SNX29: variants seen among roughly 807,000 people sequenced by gnomAD.
SNX29 encodes the protein sorting nexin-29.
In SNX29, 78 loss-of-function variants were observed where a neutral mutation model predicts 102.1. That is an observed-to-expected ratio of 0.76 (90% CI 0.64 to 0.92). The LOEUF is 0.92. Ranked by LOEUF, SNX29 falls within the 40% of genes least tolerant of loss-of-function variation. SNX29 has a pLI of 0.00. For missense variants in SNX29, 1,280 were observed against 1,061.7 expected, an observed-to-expected ratio of 1.21 and a Z score of -2.86; for synonymous variants, 580 against 414.5, an observed-to-expected ratio of 1.40 and a Z score of -4.85.
chr16:12,537,945 A>G (rs1018276004), intron 20 of SNX29, among the ~76,000 whole-genome samples: 4 of 150,074 alleles, frequency 2.7e-5, no homozygotes, highest in South Asian at 4.2e-4. Context: ...AGATCGTGCC[A>G]CTGCACTCCA....
In SNX29 at chr16:12,249,054, C is replaced by T. The variant is rs142408284; in HGVS notation, c.1679-28879C>T. 3.6e-3 allele frequency among the ~76,000 whole-genome samples: 554 copies of T among 152,282 alleles called. 2 individuals carry two copies. Among genetic ancestry groups the T allele is most frequent in the African/African-American group, 0.013 (527 of 41,550 alleles). On this transcript the variant is annotated intron_variant, in intron 14 of 20. Transcript: ENST00000566228. ...TCTTTAAATACTTTTGCTTAACAAA[C>T]CATTCCCAAAATGAGTGGCTTAAAA...
intron 15 of SNX29, among the ~76,000 whole-genome samples, chr16:12,303,929 G>C (rs1467269156): frequency 6.6e-6 from 1 of 152,192 alleles, no homozygotes; most frequent in African/African-American, 2.4e-5. Context: ...AGCTGAGCCT[G>C]TCTTGCCCAT....
At position 12,362,549 on chromosome 16, in the gene SNX29, G is replaced by GCCCCAC. The variant is rs1555519655; in HGVS notation, c.1899+6271_1899+6272insCCCACC. Among the ~76,000 whole-genome samples, 4 of 59,596 alleles carry GCCCCAC rather than the reference G, an allele frequency of 6.7e-5. 1 individual carries two copies. The highest frequency in any genetic ancestry group is 2.2e-4 in the African/African-American group (3 of 13,942). 39.1% of individuals were successfully genotyped at this position (59,596 alleles called of 152,430 possible). A position where few individuals can be genotyped will look rare whatever the true frequency, so the allele number is the denominator to read the frequency against. On this transcript the variant is annotated intron_variant, in intron 16 of 20. Coordinates refer to ENST00000566228, the MANE Select transcript of SNX29 (RefSeq NM_032167.5). ...GAGTTGCAGAAGGATTTTGGCTGCT[G>GCCCCAC]CACTCCCCCCCCACCCCCCCCCCCA...
intron 20 of SNX29, among the ~76,000 whole-genome samples, chr16:12,542,787 G>A (rs906757613): frequency 5.3e-5 from 8 of 150,368 alleles, no homozygotes; most frequent in African/African-American, 7.4e-5. Context: ...CAAAGTATTA[G>A]TTAAATCAGC....
At chr16:12,568,268 T>C (rs896647769) in intron 20 of SNX29, among the ~76,000 whole-genome samples, 1 of 145,564 alleles carries the variant, frequency 6.9e-6, no homozygotes, top group Non-Finnish European at 1.5e-5. Context: ...TAGCTCAGAC[T>C]CACAGCCAAG....
intron 18 of SNX29, among the ~76,000 whole-genome samples, chr16:12,441,843 C>T (rs1308588318): frequency 6.6e-6 from 1 of 152,166 alleles, no homozygotes; most frequent in East Asian, 1.9e-4. Context: ...GGCTGGCGTG[C>T]AGTGGCGTGA....
At chr16:12,259,265 T>G (rs2078663917) in intron 14 of SNX29, among the ~76,000 whole-genome samples, 1 of 152,138 alleles carries the variant, frequency 6.6e-6, no homozygotes, top group Non-Finnish European at 1.5e-5. Flanking sequence ...CTTCCAGGTG[T>G]ACATGGGAAT....
At chr16:12,077,908 A>C (rs1377456527) in intron 10 of SNX29, among the ~76,000 whole-genome samples, 1 of 152,146 alleles carries the variant, frequency 6.6e-6, no homozygotes, top group Non-Finnish European at 1.5e-5. Context: ...GGCATGAGCC[A>C]CCACACCTGG....
chr16:12,567,516 G>A (rs1278353364), intron 20 of SNX29, among the ~76,000 whole-genome samples: 1 of 152,128 alleles, frequency 6.6e-6, no homozygotes, highest in Non-Finnish European at 1.5e-5. Context: ...CAGGCACAGT[G>A]GCTCACACCT....
At chr16:12,250,237 A>G (rs546974510) in intron 14 of SNX29, among the ~76,000 whole-genome samples, 1 of 152,240 alleles carries the variant, frequency 6.6e-6, no homozygotes, top group Admixed American at 6.5e-5. Flanking sequence ...AGCCTTGTGC[A>G]TAGAAACACA....
intron 14 of SNX29, among the ~76,000 whole-genome samples, chr16:12,263,924 G>A (rs912282264): frequency 4.6e-5 from 7 of 152,126 alleles, no homozygotes; most frequent in East Asian, 1.9e-4. Context: ...CTAGGTAGAC[G>A]GTCAAGGTCA....
intron 12 of SNX29, among the ~76,000 whole-genome samples, chr16:12,127,743 A>G (rs932113986): frequency 5.9e-5 from 9 of 152,156 alleles, no homozygotes; most frequent in African/African-American, 1.9e-4. Flanking sequence ...GTTAGTCATC[A>G]TTAATCAAAG....
intron 13 of SNX29, among the ~76,000 whole-genome samples, chr16:12,168,968 C>T (rs114561885): frequency 0.018 from 2,670 of 152,178 alleles, 73 homozygotes; most frequent in African/African-American, 0.061. Flanking sequence ...CCTGCACGTG[C>T]TGGGGAGAGC....
Position 12,067,070 on chromosome 16 carries a change from A to C in SNX29, c.1244-1987A>C, listed in dbSNP as rs181870372. 8.6e-5 allele frequency among the ~76,000 whole-genome samples: 13 copies of C among 152,006 alleles called. 1 individual carries two copies. The East Asian group carries it at 2.5e-3, about 29-fold the overall frequency. On this transcript the variant is annotated intron_variant, in intron 9 of 20. Transcript: ENST00000566228. ...CATGAGGGTGCATGCCTGCAGTCCT[A>C]GCTACTCAGGAGGCTGAGGTGGGAG...
chr16:12,044,946 G>C (rs1431592034), intron 5 of SNX29, among the ~76,000 whole-genome samples: 6 of 152,154 alleles, frequency 3.9e-5, no homozygotes. Context: ...GGGTAGTTCA[G>C]AGTTACATAC....
chr16:12,567,903 C>T (rs968732117), intron 20 of SNX29, among the ~76,000 whole-genome samples: 1 of 152,190 alleles, frequency 6.6e-6, no homozygotes, highest in African/African-American at 2.4e-5. Flanking sequence ...CAGACCCATG[C>T]CCTGGGACCC....
intron 20 of SNX29, among the ~76,000 whole-genome samples, chr16:12,533,938 G>T (rs558118862): frequency 6.6e-6 from 1 of 152,342 alleles, no homozygotes; most frequent in South Asian, 2.1e-4. Flanking sequence ...GTTTAAGTTG[G>T]TTGGAAACTC....
intron 20 of SNX29, among the ~76,000 whole-genome samples, chr16:12,549,476 C>T (rs1183425360): frequency 3.6e-5 from 5 of 139,456 alleles, no homozygotes; most frequent in African/African-American, 8.6e-5. Context: ...GCGTGGGCAA[C>T]AGGAAGATCC....
At chr16:12,439,320 G>C (rs1055319714) in intron 18 of SNX29, among the ~76,000 whole-genome samples, 1 of 152,222 alleles carries the variant, frequency 6.6e-6, no homozygotes, top group Non-Finnish European at 1.5e-5. Context: ...AGAGGCCAGC[G>C]GGGAGTAGTG....
Sources: gnomAD v4.1 joint callset for allele counts (sites outside exome capture counted in the v4.1 genomes callset) on GRCh38, gnomAD v4.1.1 for gene constraint, MANE v1.5 for transcripts, NCBI Gene and HGNC (gene_info 2026-07-23, HGNC 2026-07-21) for gene names.